Variants in NDUFS4 observed in about 807,000 individuals in gnomAD.
The protein encoded by NDUFS4 is NADH:ubiquinone oxidoreductase subunit S4, also known as NADH dehydrogenase [ubiquinone] iron-sulfur protein 4, mitochondrial.
NDUFS4 carries 28 observed loss-of-function variants against 24.3 expected under a neutral mutation model. The observed-to-expected ratio is 1.15, with a 90% CI of 0.85 to 1.58. The LOEUF is 1.58. NDUFS4 is among the 40% of genes most tolerant of loss of function. The pLI is 0.00. For missense variants in NDUFS4, 223 were observed against 207.9 expected (o/e 1.07, Z -0.45); for synonymous variants, 93 against 69.7 (o/e 1.34, Z -1.67).
At chr5:53,582,516 G>A (rs1222752511) in intron 1 of NDUFS4, among the ~76,000 whole-genome samples, 1 of 152,196 alleles carries the variant, frequency 6.6e-6, no homozygotes. Context: ...GGAAACTGGA[G>A]TACACAGAGA....
chr5:53,582,756 CTG>C (rs1246310253), intron 1 of NDUFS4, among the ~76,000 whole-genome samples: 1 of 152,108 alleles, frequency 6.6e-6, no homozygotes, highest in African/African-American at 2.4e-5. Flanking sequence ...GTTTCTTCAC[CTG>C]TTTGTTTTTA....
chr5:53,617,400 A>C (rs1291715296), intron 2 of NDUFS4, among the ~76,000 whole-genome samples: 1 of 151,888 alleles, frequency 6.6e-6, no homozygotes, highest in Non-Finnish European at 1.5e-5. Context: ...TTCTGGCTAC[A>C]TGTGTTTTCC....
At chr5:53,658,441 A>G in intron 3 of NDUFS4, 110 bp from the exon 4 acceptor site, 1 of 721,586 alleles carries the variant, frequency 1.4e-6, no homozygotes, top group Non-Finnish European at 2.4e-6. Flanking sequence ...AAAATATTCC[A>G]TCAATAATGT....
At chr5:53,563,242 A>AAC (rs1554052688) in intron 1 of NDUFS4, among the ~76,000 whole-genome samples, 2 of 145,490 alleles carry the variant, frequency 1.4e-5, no homozygotes, top group Non-Finnish European at 3.0e-5. Flanking sequence ...AAAACAAAAA[A>AAC]AAAAAAAAAA....
intron 2 of NDUFS4, among the ~76,000 whole-genome samples, chr5:53,644,657 T>C (rs764549738): frequency 6.6e-6 from 1 of 152,102 alleles, no homozygotes; most frequent in Non-Finnish European, 1.5e-5. Context: ...CTTTAAAAAT[T>C]ATGTGCCAGC....
intron 2 of NDUFS4, among the ~76,000 whole-genome samples, chr5:53,611,959 C>T (rs751113933): frequency 3.3e-5 from 5 of 152,100 alleles, no homozygotes; most frequent in Non-Finnish European, 5.9e-5. Context: ...ATTAGTCCTA[C>T]ATAGGTATAC....
At chr5:53,603,559 G>C in intron 2 of NDUFS4, 29 bp downstream of exon 2, 3 of 1,551,874 alleles carry the variant, frequency 1.9e-6, no homozygotes, top group Non-Finnish European at 8.9e-7. Flanking sequence ...ACACTGCTAT[G>C]GTTCTGCCTT....
chr5:53,604,688 C>T (rs755495198), intron 2 of NDUFS4: 13 of 452,896 alleles, frequency 2.9e-5, no homozygotes, highest in African/African-American at 6.0e-5. Context: ...TGGTCTTTGA[C>T]GTCTTGCCTG....
intron 2 of NDUFS4, among the ~76,000 whole-genome samples, chr5:53,611,958 A>G (rs1455203722): frequency 6.6e-6 from 1 of 152,120 alleles, no homozygotes; most frequent in East Asian, 1.9e-4. Flanking sequence ...AATTAGTCCT[A>G]CATAGGTATA....
At chr5:53,599,656 T>C (rs1392391454) in intron 1 of NDUFS4, among the ~76,000 whole-genome samples, 1 of 152,182 alleles carries the variant, frequency 6.6e-6, no homozygotes, top group Admixed American at 6.5e-5. Context: ...TACTTACTTG[T>C]ACAAGTTCTT....
chr5:53,678,725 T>G (rs958638296), intron 4 of NDUFS4, among the ~76,000 whole-genome samples: 1 of 152,190 alleles, frequency 6.6e-6, no homozygotes, highest in Non-Finnish European at 1.5e-5. Flanking sequence ...ACATTTAATA[T>G]CTACATTTTA....
At chr5:53,659,561 C>T (rs1752268488) in intron 4 of NDUFS4, among the ~76,000 whole-genome samples, 1 of 152,150 alleles carries the variant, frequency 6.6e-6, no homozygotes, top group Non-Finnish European at 1.5e-5. Context: ...TCCCTCCAGC[C>T]AGTATTTCTG....
chr5:53,665,066 G>A (rs528049029), intron 4 of NDUFS4, among the ~76,000 whole-genome samples: 145 of 152,322 alleles, frequency 9.5e-4, no homozygotes, highest in Non-Finnish European at 1.8e-3. Flanking sequence ...CTCAGCTGCA[G>A]GTCTGTTGGA....
At chr5:53,649,726 C>G (rs1026194269) in intron 3 of NDUFS4, among the ~76,000 whole-genome samples, 1 of 152,132 alleles carries the variant, frequency 6.6e-6, no homozygotes, top group Non-Finnish European at 1.5e-5. Flanking sequence ...AATGGTAGTT[C>G]TGTTTTTAGT....
At chr5:53,621,948 T>C (rs900806519) in intron 2 of NDUFS4, among the ~76,000 whole-genome samples, 6 of 151,864 alleles carry the variant, frequency 4.0e-5, no homozygotes, top group Admixed American at 3.9e-4. Context: ...GATCTGCCCG[T>C]CTCGGCCTCC....
intron 3 of NDUFS4, among the ~76,000 whole-genome samples, chr5:53,655,012 A>C (rs1414529234): frequency 6.6e-6 from 1 of 152,170 alleles, no homozygotes; most frequent in Non-Finnish European, 1.5e-5. Flanking sequence ...AATTTTTGAT[A>C]TTTTATTGGT....
At chr5:53,628,444 T>C (rs2112486531) in intron 2 of NDUFS4, among the ~76,000 whole-genome samples, 1 of 152,348 alleles carries the variant, frequency 6.6e-6, no homozygotes, top group South Asian at 2.1e-4. Context: ...TGGAATAGTT[T>C]CAGAAGGAAT....
intron 1 of NDUFS4, among the ~76,000 whole-genome samples, chr5:53,601,027 C>T (rs1424938881): frequency 2.3e-5 from 3 of 131,678 alleles, no homozygotes; most frequent in Admixed American, 8.2e-5. Flanking sequence ...TTTTTTGAGA[C>T]GGAGTCTTGC....
At chr5:53,674,361 C>T (rs1740386991) in intron 4 of NDUFS4, among the ~76,000 whole-genome samples, 1 of 152,102 alleles carries the variant, frequency 6.6e-6, no homozygotes, top group Non-Finnish European at 1.5e-5. Context: ...CACGGGAAGG[C>T]CAGAGAATTA....
Sources: allele counts gnomAD v4.1 joint callset (sites outside exome capture counted in the v4.1 genomes callset), GRCh38; gene constraint gnomAD v4.1.1; transcripts MANE v1.5; gene names NCBI Gene and HGNC (gene_info 2026-07-23, HGNC 2026-07-21).